MIGA1: variants seen among roughly 807,000 people sequenced by gnomAD.
The protein encoded by MIGA1 is family with sequence similarity 73, member A.
A neutral mutation model predicts 82.0 loss-of-function variants in MIGA1; 58 were observed. The ratio of observed to expected loss-of-function variants is 0.71; its 90% CI spans 0.57 to 0.88. MIGA1 has a LOEUF of 0.88. Ranked by LOEUF, MIGA1 falls within the 40% of genes least tolerant of loss-of-function variation. The pLI, the probability that MIGA1 is intolerant of heterozygous loss-of-function variation, is 0.00. For missense variants in MIGA1, 751 were observed against 749.1 expected (o/e 1.00, Z -0.03); for synonymous variants, 249 against 253.6 (o/e 0.98, Z 0.17).
chr1:77,836,321 C>T (rs533499327), intron 7 of MIGA1, among the ~76,000 whole-genome samples: 4 of 152,168 alleles, frequency 2.6e-5, no homozygotes, highest in African/African-American at 4.8e-5. Context: ...TATTGGAATT[C>T]AGCTCTAGAA....
intron 7 of MIGA1, among the ~76,000 whole-genome samples, chr1:77,830,134 A>G (rs998503583): frequency 6.6e-6 from 1 of 152,168 alleles, no homozygotes; most frequent in African/African-American, 2.4e-5. Context: ...GTCAAGTTTC[A>G]TGAAAAACTC....
intron 2 of MIGA1, among the ~76,000 whole-genome samples, chr1:77,792,304 G>A (rs1475540931): frequency 6.6e-6 from 1 of 152,182 alleles, no homozygotes; most frequent in Non-Finnish European, 1.5e-5. Context: ...ATTTGCTGCT[G>A]AGTTACAGAT....
At chr1:77,864,558 C>A (rs1413883408) in intron 13 of MIGA1, among the ~76,000 whole-genome samples, 2 of 152,056 alleles carry the variant, frequency 1.3e-5, no homozygotes, top group African/African-American at 4.8e-5. Context: ...CACCTGTAAT[C>A]CCAGCTACTC....
At chr1:77,847,186 T>C (rs1331196224) in intron 8 of MIGA1, 2 of 1,301,530 alleles carry the variant, frequency 1.5e-6, no homozygotes. Context: ...GCAAAAACCG[T>C]CAGTGTTTGG....
intron 14 of MIGA1, among the ~76,000 whole-genome samples, chr1:77,871,674 T>C (rs1646835864): frequency 6.6e-6 from 1 of 152,158 alleles, no homozygotes; most frequent in South Asian, 2.1e-4. Context: ...CAAAAAGTTA[T>C]AAATATAGAG....
At chr1:77,855,336 C>T (rs940507656) in intron 8 of MIGA1, among the ~76,000 whole-genome samples, 9 of 152,090 alleles carry the variant, frequency 5.9e-5, no homozygotes, top group African/African-American at 2.2e-4. Context: ...GTGATGCCTC[C>T]AGAATTCTTT....
chr1:77,819,277 C>G (rs1683707999), intron 7 of MIGA1, among the ~76,000 whole-genome samples: 1 of 151,806 alleles, frequency 6.6e-6, no homozygotes, highest in Non-Finnish European at 1.5e-5. Context: ...AGAGTCCTTC[C>G]TTTCCTTTTC....
intron 2 of MIGA1, among the ~76,000 whole-genome samples, chr1:77,795,908 A>G (rs982937095): frequency 5.9e-5 from 9 of 151,948 alleles, no homozygotes; most frequent in Admixed American, 2.0e-4. Context: ...TGCTGGTCAT[A>G]TTGATACTTC....
rs761504361 is a variant in MIGA1 at position 77,803,336 on chromosome 1, C to G, written c.440C>G (p.Ser147Cys). The G allele has an allele frequency of 6.4e-7, 1 of 1,568,528 alleles. No homozygotes were observed. Among genetic ancestry groups the G allele is most frequent in the East Asian group, 2.3e-5 (1 of 42,736 alleles). The change falls in exon 4 of 16, where the codon TCT (serine) becomes TGT (cysteine). Residue 147 changes from serine (S) to cysteine (C), a missense_variant. Physicochemically the swap from Ser to Cys is moderately radical, Grantham distance 112. This residue lies in a region of MIGA1 where 482 missense variants were observed against 439.4 expected (regional missense o/e 1.10). Coordinates refer to ENST00000370791, the MANE Select transcript of MIGA1 (RefSeq NM_198549.4). The stretch of plus-strand genomic sequence containing the variant: ...TTAAGTTCTACCAAAGACAAAGGAT[C>G]TCAAGTTTGTAACTATGCTAATGGA...
intron 8 of MIGA1, chr1:77,853,225 T>A (rs1402473963): frequency 6.6e-6 from 1 of 152,152 alleles, no homozygotes; most frequent in East Asian, 1.9e-4. Context: ...CAGAGAACAT[T>A]GAATCAAGTA....
intron 7 of MIGA1, among the ~76,000 whole-genome samples, chr1:77,840,832 A>G (rs1339911824): frequency 6.6e-6 from 1 of 152,144 alleles, no homozygotes; most frequent in Non-Finnish European, 1.5e-5. Context: ...ATAATAAAAT[A>G]AAATAAAATT....
rs1683330348 is a variant in MIGA1, at chr1:77,811,585, A to G, written c.638-2149A>G. 1.2e-5 allele frequency: 20 copies of G among 1,611,838 alleles called. No individual in the cohort carries two copies. The South Asian group carries it at 1.9e-4, about 15-fold the overall frequency. On this transcript the variant is annotated intron_variant, in intron 5 of 15. Transcript: ENST00000370791. Reference sequence around the variant, plus strand: ...ACTTCGCAATTCCAAGCATGTTGCAATTTTGCCTATGGTTTTCTTTTGTTC... The same window carrying G: ...ACTTCGCAATTCCAAGCATGTTGCAGTTTTGCCTATGGTTTTCTTTTGTTC...
chr1:77,794,781 A>G (rs1432466906), intron 2 of MIGA1, among the ~76,000 whole-genome samples: 1 of 152,198 alleles, frequency 6.6e-6, no homozygotes, highest in African/African-American at 2.4e-5. Context: ...AGCCTGGGCA[A>G]CAGAGCGAGA....
intron 8 of MIGA1, chr1:77,847,930 C>CTGCA (rs1684904768): frequency 7.2e-7 from 1 of 1,394,972 alleles, no homozygotes; most frequent in Non-Finnish European, 1.0e-6. Context: ...CTAGAGTGAA[C>CTGCA]TGCAGAAGGG....
intron 5 of MIGA1, among the ~76,000 whole-genome samples, chr1:77,808,128 C>G (rs1683175443): frequency 6.8e-6 from 1 of 147,052 alleles, no homozygotes; most frequent in South Asian, 2.1e-4. Context: ...CCACCTTTCT[C>G]TCTTTTTTTT....
intron 7 of MIGA1, among the ~76,000 whole-genome samples, chr1:77,835,100 G>T (rs1684378623): frequency 6.6e-6 from 1 of 152,158 alleles, no homozygotes; most frequent in Non-Finnish European, 1.5e-5. Context: ...AAAGTGAAAT[G>T]TAGAAAACCC....
chr1:77,811,809 C>T lies in MIGA1; in HGVS notation c.638-1925C>T, dbSNP rs556951327. 1.4e-5 allele frequency: 22 copies of T among 1,525,000 alleles called. No homozygotes were observed. In the African/African-American group the frequency reaches 2.1e-4, roughly 14 times the overall value. 94.5% of individuals were successfully genotyped at this position (1,525,000 alleles called of 1,614,324 possible). A position where few individuals can be genotyped will look rare whatever the true frequency, so the allele number is the denominator to read the frequency against. On this transcript the variant is annotated intron_variant, in intron 5 of 15. Coordinates refer to ENST00000370791, the MANE Select transcript of MIGA1 (RefSeq NM_198549.4). ...CCGGTCCCCACCCCGTCCCCTCCCGCCCCTACCCCAGCAAGGCCGGGTTCT... is the reference window on the plus strand; with the variant it reads ...CCGGTCCCCACCCCGTCCCCTCCCGTCCCTACCCCAGCAAGGCCGGGTTCT...
At chr1:77,819,781 C>T (rs1447396484) in intron 7 of MIGA1, among the ~76,000 whole-genome samples, 3 of 151,912 alleles carry the variant, frequency 2.0e-5, no homozygotes, top group African/African-American at 4.8e-5. Context: ...GAGGTTTTGC[C>T]GTGTTACCCA....
intron 2 of MIGA1, among the ~76,000 whole-genome samples, chr1:77,789,068 T>A (rs1682297523): frequency 6.6e-6 from 1 of 152,026 alleles, no homozygotes; most frequent in Non-Finnish European, 1.5e-5. Context: ...TTATTCATGT[T>A]TTCTTTAATT....
Sources: gnomAD v4.1 joint callset for allele counts (sites outside exome capture counted in the v4.1 genomes callset) on GRCh38, gnomAD v4.1.1 for gene constraint, gnomAD v4.1.1 regional missense constraint, MANE v1.5 for transcripts, NCBI Gene and HGNC (gene_info 2026-07-23, HGNC 2026-07-21) for gene names.